The following EFCAB8 variants were observed in gnomAD, a reference collection of about 807,000 sequenced individuals.
EFCAB8 encodes the protein EF-hand calcium-binding domain-containing protein 8.
Under a neutral mutation model 116.3 loss-of-function variants are expected in EFCAB8, and 100 were observed. The ratio of observed to expected loss-of-function variants is 0.86; its 90% confidence interval spans 0.73 to 1.02. The LOEUF (loss-of-function observed/expected upper bound fraction) is 1.02. EFCAB8 is among the 50% of genes least tolerant of loss of function. The pLI is 0.00. For synonymous variants in EFCAB8, 558 were observed against 567.9 expected (o/e 0.98, Z 0.25); for missense variants, 1,320 against 1,416.9 (o/e 0.93, Z 1.10).
Position 32,893,257 on chromosome 20 carries a change from G to T in EFCAB8, c.842G>T (p.Gly281Val). ...IVFTSENMTSGLFNPRILPRA... is the reference protein window; with the variant it reads ...IVFTSENMTSVLFNPRILPRA... Reference sequence around the variant, plus strand: ...TTCACCTCCGAAAACATGACCAGTGGGCTGTTCAACCCCCGTATCCTCCCC... The same window carrying T: ...TTCACCTCCGAAAACATGACCAGTGTGCTGTTCAACCCCCGTATCCTCCCC... Residue 281 changes from glycine (G) to valine (V), a missense_variant, in exon 9 of 27, where the codon GGG becomes GTG. Gly to Val is a moderately radical substitution (Grantham distance 109). Coordinates refer to ENST00000400522, the MANE Select transcript of EFCAB8 (RefSeq NM_001143967.2). The T allele has an allele frequency of 6.4e-7, 1 of 1,551,952 alleles. No individual in the cohort carries two copies. Among genetic ancestry groups the T allele is most frequent in the Non-Finnish European group, 8.7e-7 (1 of 1,147,048 alleles).
At chr20:32,913,407 C>T (rs1292307389) in intron 17 of EFCAB8, among the ~76,000 whole-genome samples, 4 of 152,156 alleles carry the variant, frequency 2.6e-5, no homozygotes, top group East Asian at 1.9e-4. Context: ...GTGACCTCAT[C>T]GCCTCCCAAG....
chr20:32,907,074 C>G (rs1191991647), intron 13 of EFCAB8, 80 bp downstream of exon 13: 3 of 1,444,390 alleles, frequency 2.1e-6, no homozygotes, highest in Non-Finnish European at 2.7e-6. Flanking sequence ...ACCTCCCTGC[C>G]CACGGCCCCA....
intron 3 of EFCAB8, among the ~76,000 whole-genome samples, chr20:32,871,467 A>G (rs553971697): frequency 6.6e-6 from 1 of 151,912 alleles, no homozygotes; most frequent in African/African-American, 2.4e-5. Flanking sequence ...TTCTGTAGAG[A>G]TGGTGTCTTG....
chr20:32,946,720 C>T (rs898425719), intron 23 of EFCAB8, among the ~76,000 whole-genome samples: 25 of 152,172 alleles, frequency 1.6e-4, no homozygotes, highest in African/African-American at 6.0e-4. Flanking sequence ...TGAATGCATA[C>T]AATTGTGTAA....
At chr20:32,886,676 G>A (rs1985648867) in intron 6 of EFCAB8, among the ~76,000 whole-genome samples, 1 of 152,154 alleles carries the variant, frequency 6.6e-6, no homozygotes, top group African/African-American at 2.4e-5. Flanking sequence ...ACTGGGGCAG[G>A]GTGTGTTGCA....
Position 32,959,984 on chromosome 20 carries a change from T to A in EFCAB8, c.3294+2T>A. 1 of 1,551,526 alleles carries A rather than the reference T, an allele frequency of 6.4e-7. No individual in the cohort carries two copies. The highest frequency in any genetic ancestry group is 2.0e-5 in the Admixed American group (1 of 50,988). ...AAGTGGGAGTCCAGGGACAAGCAGG[T>A]GAGGCTGGGAGGGGAGCACAGGGAG... is the stretch of plus-strand genomic sequence containing the variant. On this transcript the variant is annotated splice_donor_variant, in intron 25 of 26. Transcript: ENST00000400522. LOFTEE classifies it high-confidence loss of function.
intron 23 of EFCAB8, among the ~76,000 whole-genome samples, chr20:32,950,047 A>G (rs527778245): frequency 6.6e-6 from 1 of 152,312 alleles, no homozygotes; most frequent in African/African-American, 2.4e-5. Context: ...CAAAAATGGA[A>G]CATAGAACTA....
intron 23 of EFCAB8, 145 bp downstream of exon 23, chr20:32,943,949 C>T (rs531945259): frequency 1.1e-4 from 43 of 401,456 alleles, no homozygotes; most frequent in Non-Finnish European, 1.8e-4. Context: ...ATATTACAGT[C>T]TGTCCAATTA....
At chr20:32,937,011 C>A (rs988630409) in intron 22 of EFCAB8, among the ~76,000 whole-genome samples, 13 of 151,988 alleles carry the variant, frequency 8.6e-5, no homozygotes, top group Admixed American at 7.9e-4. Flanking sequence ...GATCTTTTAA[C>A]TTCTTGGTTA....
rs116735380 is a variant in EFCAB8, at chr20:32,950,989, A to G, written c.2959+7185A>G. Among the ~76,000 whole-genome samples the G allele has an allele frequency of 4.0e-3, 602 of 152,302 alleles. 3 individuals carry two copies. The highest frequency in any genetic ancestry group is 0.013 in the African/African-American group (543 of 41,564). ...GAAATATATAGAAGCATGGAAAACA[A>G]TGCGCAATATTTATTCATTAGAAGA... On this transcript the variant is annotated intron_variant, in intron 23 of 26. Coordinates refer to ENST00000400522, the MANE Select transcript of EFCAB8 (RefSeq NM_001143967.2).
chr20:32,860,545 T>G (rs1600349036), intron 1 of EFCAB8, among the ~76,000 whole-genome samples: 1 of 145,214 alleles, frequency 6.9e-6, no homozygotes, highest in East Asian at 2.0e-4. Context: ...CTTACTCTTT[T>G]GCCTAGGCTG....
Position 32,860,484 on chromosome 20 carries a change from T to A in EFCAB8, c.-11+1478T>A, listed in dbSNP as rs186554270. 5.4e-5 allele frequency among the ~76,000 whole-genome samples: 8 copies of A among 147,800 alleles called. No individual in the cohort carries two copies. In the South Asian group the frequency reaches 1.5e-3, roughly 28 times the overall value. On this transcript the variant is annotated intron_variant, in intron 1 of 26. Coordinates refer to ENST00000400522, the MANE Select transcript of EFCAB8 (RefSeq NM_001143967.2). ...GGATGTCATTTTGTTCCATCGCTGA[T>A]GGTGGTAACTTTTTTTTTTTTTTTT...
chr20:32,938,311 C>T (rs1382297799), intron 22 of EFCAB8, among the ~76,000 whole-genome samples: 1 of 150,016 alleles, frequency 6.7e-6, no homozygotes, highest in Non-Finnish European at 1.5e-5. Flanking sequence ...ACTCCTTCAA[C>T]CTGATAAAAG....
intron 3 of EFCAB8, among the ~76,000 whole-genome samples, chr20:32,869,368 T>G (rs1984579516): frequency 6.6e-6 from 1 of 152,100 alleles, no homozygotes; most frequent in South Asian, 2.1e-4. Context: ...CCCAAGTAGC[T>G]GGGATTACTG....
intron 20 of EFCAB8, among the ~76,000 whole-genome samples, chr20:32,929,355 C>A (rs972442836): frequency 2.0e-5 from 3 of 152,018 alleles, no homozygotes; most frequent in African/African-American, 4.8e-5. Flanking sequence ...GGCACCGGGG[C>A]CAGTGGGAAG....
chr20:32,876,059 C>G lies in EFCAB8; in HGVS notation c.327+15C>G. The G allele has an allele frequency of 6.5e-7, 1 of 1,549,148 alleles. No homozygotes were observed. Among genetic ancestry groups the G allele is most frequent in the Non-Finnish European group, 8.7e-7 (1 of 1,145,058 alleles). Reference sequence around the variant, plus strand: ...TTGTCACCTGGGTGAGGAGGGTGCCCCTGCTTCCTCAGGTGCTGGAGGGAG... The same window carrying G: ...TTGTCACCTGGGTGAGGAGGGTGCCGCTGCTTCCTCAGGTGCTGGAGGGAG... On this transcript the variant is annotated intron_variant, in intron 4 of 26. Coordinates refer to ENST00000400522, the MANE Select transcript of EFCAB8 (RefSeq NM_001143967.2).
intron 19 of EFCAB8, among the ~76,000 whole-genome samples, chr20:32,918,984 G>T (rs1987327662): frequency 6.6e-6 from 1 of 152,200 alleles, no homozygotes; most frequent in African/African-American, 2.4e-5. Flanking sequence ...CAGGCTGTAA[G>T]AGTCTGAGAC....
At chr20:32,895,350 G>C (rs1038385562) in intron 9 of EFCAB8, among the ~76,000 whole-genome samples, 4 of 142,102 alleles carry the variant, frequency 2.8e-5, no homozygotes, top group Non-Finnish European at 4.5e-5. Context: ...TTTGAGACAA[G>C]GTCATACTCT....
At chr20:32,895,126 G>C (rs1433638171) in intron 9 of EFCAB8, among the ~76,000 whole-genome samples, 1 of 152,160 alleles carries the variant, frequency 6.6e-6, no homozygotes, top group East Asian at 1.9e-4. Flanking sequence ...TGCTCTGACG[G>C]AGGACCCATG....
Sources: allele counts gnomAD v4.1 joint callset (sites outside exome capture counted in the v4.1 genomes callset), GRCh38; gene constraint gnomAD v4.1.1; transcripts MANE v1.5; gene names NCBI Gene and HGNC (gene_info 2026-07-23, HGNC 2026-07-21).